Variants in CDK14 observed in about 807,000 individuals in gnomAD.
CDK14 encodes cyclin-dependent kinase 14.
In CDK14, 34 loss-of-function variants were observed where a neutral mutation model predicts 60.7. The ratio of observed to expected loss-of-function variants is 0.56; its 90% CI spans 0.43 to 0.75. CDK14 has a LOEUF of 0.75. CDK14 is among the 30% of genes least tolerant of loss of function. The pLI, the probability that CDK14 is intolerant of heterozygous loss-of-function variation, is 0.00. For missense variants in CDK14, 482 were observed against 564.1 expected, an observed-to-expected ratio of 0.85 and a Z score of 1.47; for synonymous variants, 197 against 203.7, an observed-to-expected ratio of 0.97 and a Z score of 0.28.
intron 11 of CDK14, among the ~76,000 whole-genome samples, chr7:91,077,784 T>C (rs1311347552): frequency 6.6e-6 from 1 of 151,304 alleles, no homozygotes; most frequent in Non-Finnish European, 1.5e-5. Flanking sequence ...ACGGGCAAAC[T>C]TGATCATATA....
At chr7:91,043,163 C>G (rs1797135723) in intron 10 of CDK14, among the ~76,000 whole-genome samples, 2 of 152,180 alleles carry the variant, frequency 1.3e-5, no homozygotes, top group Non-Finnish European at 2.9e-5. Context: ...ATCATAATCA[C>G]TTTGAAACAG....
intron 11 of CDK14, among the ~76,000 whole-genome samples, chr7:91,061,680 G>T (rs973395166): frequency 9.2e-5 from 14 of 152,222 alleles, no homozygotes; most frequent in Non-Finnish European, 1.9e-4. Flanking sequence ...GACCCTGTTT[G>T]CCTGGGTATC....
At chr7:90,702,022 A>G (rs1282205588) in intron 2 of CDK14, among the ~76,000 whole-genome samples, 1 of 152,110 alleles carries the variant, frequency 6.6e-6, no homozygotes, top group Non-Finnish European at 1.5e-5. Context: ...TCTGGCTGAA[A>G]AAGTCCCAGG....
chr7:91,097,822 C>A (rs763490868), intron 12 of CDK14, among the ~76,000 whole-genome samples: 58 of 152,272 alleles, frequency 3.8e-4, no homozygotes, highest in African/African-American at 1.3e-3. Context: ...ACATCGCTAG[C>A]ACGTAGTAAA....
chr7:90,958,065 ATACT>A (rs1415700345), intron 9 of CDK14, among the ~76,000 whole-genome samples: 2 of 152,276 alleles, frequency 1.3e-5, no homozygotes, highest in African/African-American at 2.4e-5. Flanking sequence ...TTACTGTTGT[ATACT>A]TACTTACTTC....
At chr7:90,657,824 A>C (rs1458906861) in intron 2 of CDK14, among the ~76,000 whole-genome samples, 1 of 152,158 alleles carries the variant, frequency 6.6e-6, no homozygotes, top group Admixed American at 6.6e-5. Context: ...CAGAATATTT[A>C]ATTTTTACTA....
At chr7:90,976,079 G>A (rs1397181713) in intron 9 of CDK14, among the ~76,000 whole-genome samples, 1 of 152,040 alleles carries the variant, frequency 6.6e-6, no homozygotes, top group Non-Finnish European at 1.5e-5. Context: ...TAGCTCATAT[G>A]GTAGTTCTAT....
chr7:90,643,835 G>T (rs143326503), intron 2 of CDK14, among the ~76,000 whole-genome samples: 1 of 152,232 alleles, frequency 6.6e-6, no homozygotes, highest in Non-Finnish European at 1.5e-5. Context: ...CATCTCAACA[G>T]CCTCAAATTT....
chr7:90,806,850 C>A (rs1483387928), intron 5 of CDK14, among the ~76,000 whole-genome samples: 11 of 151,428 alleles, frequency 7.3e-5, no homozygotes, highest in Non-Finnish European at 8.9e-5. Flanking sequence ...GGTCCTACAC[C>A]CGCGGAGCCT....
chr7:90,968,889 C>G (rs2117619140), intron 9 of CDK14, among the ~76,000 whole-genome samples: 1 of 151,686 alleles, frequency 6.6e-6, no homozygotes, highest in Middle Eastern at 3.5e-3. Flanking sequence ...TCCCTTATAC[C>G]TTGTGAGCCA....
chr7:90,955,959 T>C (rs757038563), intron 9 of CDK14, 142 bp downstream of exon 9: 2 of 969,838 alleles, frequency 2.1e-6, no homozygotes, highest in Non-Finnish European at 3.1e-6. Context: ...CTGGATGTTT[T>C]AAAACATGAT....
intron 2 of CDK14, among the ~76,000 whole-genome samples, chr7:90,695,368 A>C (rs938012636): frequency 6.6e-6 from 1 of 152,350 alleles, no homozygotes; most frequent in Admixed American, 6.5e-5. Context: ...AGTAATAAAC[A>C]ATTGAAATGT....
chr7:90,966,894 C>A (rs1341463932), intron 9 of CDK14, among the ~76,000 whole-genome samples: 1 of 152,100 alleles, frequency 6.6e-6, no homozygotes, highest in Non-Finnish European at 1.5e-5. Context: ...TCTTCATCTA[C>A]ATCTTCTCAA....
intron 2 of CDK14, among the ~76,000 whole-genome samples, chr7:90,712,924 T>G (rs1405407017): frequency 6.6e-6 from 1 of 152,094 alleles, no homozygotes; most frequent in East Asian, 1.9e-4. Context: ...AGAAATTGTG[T>G]TATTTAATTG....
At chr7:90,731,056 T>C (rs1260143944) in intron 3 of CDK14, among the ~76,000 whole-genome samples, 2 of 152,136 alleles carry the variant, frequency 1.3e-5, no homozygotes, top group African/African-American at 4.8e-5. Context: ...GATCCAGTTT[T>C]GGCTTTTTAC....
At chr7:90,710,916 T>C (rs774200409) in intron 2 of CDK14, among the ~76,000 whole-genome samples, 47 of 152,226 alleles carry the variant, frequency 3.1e-4, no homozygotes, top group Non-Finnish European at 5.3e-4. Flanking sequence ...CAAAGTGAGA[T>C]TAATAACATT....
At chr7:90,898,250 G>T (rs1792397621) in intron 6 of CDK14, among the ~76,000 whole-genome samples, 1 of 152,016 alleles carries the variant, frequency 6.6e-6, no homozygotes, top group Non-Finnish European at 1.5e-5. Flanking sequence ...TTACTCCTGT[G>T]TTCTTAGTGA....
chr7:90,699,739 T>G (rs1801742630), intron 2 of CDK14, among the ~76,000 whole-genome samples: 1 of 152,168 alleles, frequency 6.6e-6, no homozygotes, highest in Non-Finnish European at 1.5e-5. Context: ...TTCCTTGCAT[T>G]CAGGTGGTCC....
chr7:90,709,600 G>T, intron 2 of CDK14: 1 of 1,612,724 alleles, frequency 6.2e-7, no homozygotes, highest in Non-Finnish European at 8.5e-7. Context: ...GCCTTCGTGG[G>T]AACTCCACAG....
Sources: allele counts gnomAD v4.1 joint callset (sites outside exome capture counted in the v4.1 genomes callset), GRCh38; gene constraint gnomAD v4.1.1; transcripts MANE v1.5; gene names NCBI Gene and HGNC (gene_info 2026-07-23, HGNC 2026-07-21).